ADAM12: variants seen among roughly 807,000 people sequenced by gnomAD.
ADAM12 encodes the protein disintegrin and metalloproteinase domain-containing protein 12.
In ADAM12, 70 loss-of-function variants were observed where a neutral mutation model predicts 106.4. That is an observed-to-expected ratio of 0.66 (90% CI 0.54 to 0.80). The LOEUF (loss-of-function observed/expected upper bound fraction) is 0.80, where lower values mean the gene tolerates loss of function less well. Among genes scored for constraint, ADAM12 ranks in the 30% least tolerant of loss-of-function variants. The pLI is 0.00. For synonymous variants in ADAM12, 420 were observed against 433.5 expected (o/e 0.97, Z 0.39); for missense variants, 1,010 against 1,171.9 (o/e 0.86, Z 2.02).
intron 21 of ADAM12, among the ~76,000 whole-genome samples, chr10:126,021,102 G>A (rs1214795109): frequency 6.6e-6 from 1 of 151,898 alleles, no homozygotes; most frequent in Non-Finnish European, 1.5e-5. Flanking sequence ...CCAGAAGTCA[G>A]TAAGTGTTGG....
chr10:126,084,857 C>T (rs993488425), intron 11 of ADAM12, among the ~76,000 whole-genome samples: 1 of 152,198 alleles, frequency 6.6e-6, no homozygotes, highest in South Asian at 2.1e-4. Context: ...GGCTGAGATC[C>T]AGAATGACCC....
chr10:126,120,450 C>T (rs1417667641), intron 5 of ADAM12, among the ~76,000 whole-genome samples: 4 of 152,104 alleles, frequency 2.6e-5, no homozygotes, highest in Non-Finnish European at 5.9e-5. Flanking sequence ...ATACAATGGC[C>T]TGGGACAAAG....
At chr10:126,030,192 C>T (rs936743080) in intron 21 of ADAM12, among the ~76,000 whole-genome samples, 1 of 152,134 alleles carries the variant, frequency 6.6e-6, no homozygotes, top group Non-Finnish European at 1.5e-5. Context: ...TAATGTGTTG[C>T]CATTTGAATT....
chr10:126,114,525 G>A (rs892814505), intron 6 of ADAM12, among the ~76,000 whole-genome samples: 7 of 152,298 alleles, frequency 4.6e-5, no homozygotes, highest in African/African-American at 1.7e-4. Context: ...TGTCGCCCAG[G>A]CTAGAGTGCA....
At chr10:126,203,927 T>TCA (rs1565136206) in intron 3 of ADAM12, among the ~76,000 whole-genome samples, 1 of 131,296 alleles carries the variant, frequency 7.6e-6, no homozygotes, top group Non-Finnish European at 1.8e-5. Context: ...TCAGAGTGAG[T>TCA]GCGCGCGCGC....
At chr10:126,220,246 G>C (rs979421589) in intron 3 of ADAM12, among the ~76,000 whole-genome samples, 20 of 152,170 alleles carry the variant, frequency 1.3e-4, no homozygotes, top group South Asian at 6.2e-4. Flanking sequence ...CAATAGTGAC[G>C]GTAAATATTT....
intron 5 of ADAM12, among the ~76,000 whole-genome samples, chr10:126,123,407 A>T (rs1401443788): frequency 1.3e-5 from 2 of 152,224 alleles, no homozygotes; most frequent in African/African-American, 4.8e-5. Flanking sequence ...AGTAGGGGGA[A>T]AAGATGAGAA....
chr10:126,104,072 T>C (rs1244558168), intron 8 of ADAM12, among the ~76,000 whole-genome samples: 1 of 152,214 alleles, frequency 6.6e-6, no homozygotes, highest in East Asian at 1.9e-4. Flanking sequence ...TGGGGTCTAA[T>C]GAAGGAAACT....
chr10:126,023,588 C>G (rs918198318), intron 21 of ADAM12, among the ~76,000 whole-genome samples: 2 of 151,924 alleles, frequency 1.3e-5, no homozygotes, highest in Non-Finnish European at 2.9e-5. Flanking sequence ...TCAAGTTGGG[C>G]TCTACAGACA....
At chr10:126,184,591 G>C (rs1482042927) in intron 3 of ADAM12, among the ~76,000 whole-genome samples, 1 of 152,184 alleles carries the variant, frequency 6.6e-6, no homozygotes, top group Non-Finnish European at 1.5e-5. Context: ...CTAGAATTAA[G>C]GGATTCAGTG....
At chr10:126,346,274 T>G (rs1011625679) in intron 1 of ADAM12, among the ~76,000 whole-genome samples, 1 of 152,230 alleles carries the variant, frequency 6.6e-6, no homozygotes, top group East Asian at 1.9e-4. Context: ...TTCATTTCCT[T>G]ATTTACCCAG....
chr10:126,335,949 C>T (rs566581401), intron 1 of ADAM12, among the ~76,000 whole-genome samples: 1 of 151,214 alleles, frequency 6.6e-6, no homozygotes, highest in African/African-American at 2.4e-5. Flanking sequence ...AACCAGTAAT[C>T]GTCAAAACTG....
chr10:126,140,772 G>C (rs1009381014), intron 4 of ADAM12, among the ~76,000 whole-genome samples: 4 of 152,208 alleles, frequency 2.6e-5, no homozygotes. Flanking sequence ...TATAACATAA[G>C]TCAAAACACA....
At chr10:126,230,146 G>C (rs1221026841) in intron 3 of ADAM12, among the ~76,000 whole-genome samples, 2 of 152,128 alleles carry the variant, frequency 1.3e-5, no homozygotes, top group Non-Finnish European at 2.9e-5. Flanking sequence ...TTTTCTGTGT[G>C]ATCTTCCAGC....
At chr10:126,110,233 T>C (rs1437969845) in intron 6 of ADAM12, among the ~76,000 whole-genome samples, 2 of 151,764 alleles carry the variant, frequency 1.3e-5, no homozygotes, top group African/African-American at 4.8e-5. Flanking sequence ...GATGACCACA[T>C]TTGAAGGTCA....
chr10:126,246,018 T>C (rs1265187307), intron 3 of ADAM12, among the ~76,000 whole-genome samples: 2 of 151,684 alleles, frequency 1.3e-5, no homozygotes, highest in East Asian at 1.9e-4. Context: ...TTTTAAAAAA[T>C]GGTGGAGACA....
At chr10:126,195,459 C>G (rs2133810728) in intron 3 of ADAM12, among the ~76,000 whole-genome samples, 1 of 152,184 alleles carries the variant, frequency 6.6e-6, no homozygotes, top group East Asian at 1.9e-4. Flanking sequence ...CTTGTAATCC[C>G]AGCTACTCGG....
intron 3 of ADAM12, among the ~76,000 whole-genome samples, chr10:126,172,937 T>A (rs7086199): frequency 0.43 from 65,427 of 151,876 alleles, 14,326 homozygotes; most frequent in Middle Eastern, 0.51. Flanking sequence ...ATAAAAAAGG[T>A]TGAGCTCATG....
chr10:126,158,488 A>C (rs1403328452), intron 3 of ADAM12, among the ~76,000 whole-genome samples: 1 of 139,358 alleles, frequency 7.2e-6, no homozygotes. Context: ...GAGAGGATGC[A>C]CAGAGCACGG....
Sources: allele counts gnomAD v4.1 joint callset (sites outside exome capture counted in the v4.1 genomes callset), GRCh38; gene constraint gnomAD v4.1.1; transcripts MANE v1.5; gene names NCBI Gene and HGNC (gene_info 2026-07-23, HGNC 2026-07-21).